Variants in CIROZ observed in about 807,000 individuals in gnomAD.
The protein encoded by CIROZ is ciliated left-right organizer ZP-N domains-containing protein.
chr1:10,970,569 C>T, the CIROZ span, among the ~76,000 whole-genome samples: 1 of 151,604 alleles, frequency 6.6e-6, no homozygotes, highest in Non-Finnish European at 1.5e-5. Flanking sequence ...ACAGAGGTTG[C>T]AGTGAGCCGA....
At chr1:10,957,926 G>A in the CIROZ span, among the ~76,000 whole-genome samples, 4 of 152,208 alleles carry the variant, frequency 2.6e-5, no homozygotes, top group Non-Finnish European at 4.4e-5. Flanking sequence ...TCAACCAGAC[G>A]CTAGCACGCT....
At chr1:10,970,505 T>C in the CIROZ span, among the ~76,000 whole-genome samples, 1 of 152,082 alleles carries the variant, frequency 6.6e-6, no homozygotes, top group African/African-American at 2.4e-5. Flanking sequence ...GGCGCATGCC[T>C]GTAATCGCAG....
At chr1:10,962,306 G>T in the CIROZ span, among the ~76,000 whole-genome samples, 1 of 152,040 alleles carries the variant, frequency 6.6e-6, no homozygotes, top group Non-Finnish European at 1.5e-5. Context: ...AATTAGCCGA[G>T]TATGGTAATG....
chr1:10,952,681 T>C, the CIROZ span, among the ~76,000 whole-genome samples: 1 of 152,186 alleles, frequency 6.6e-6, no homozygotes, highest in East Asian at 1.9e-4. Flanking sequence ...AGATTAGAGA[T>C]GTCTTCTTTT....
the CIROZ span, among the ~76,000 whole-genome samples, chr1:10,953,366 T>C: frequency 6.6e-6 from 1 of 152,264 alleles, no homozygotes; most frequent in Non-Finnish European, 1.5e-5. Flanking sequence ...ATTTTGCTCC[T>C]GGTGGTTTTG....
At chr1:10,950,132 CA>C in the CIROZ span, among the ~76,000 whole-genome samples, 11,445 of 145,432 alleles carry the variant, frequency 0.079, 756 homozygotes, top group African/African-American at 0.19. Context: ...CTCCTGGGTT[CA>C]AGTGATCTTC....
chr1:10,967,155 GAAAAA>G, the CIROZ span, among the ~76,000 whole-genome samples: 1 of 116,308 alleles, frequency 8.6e-6, no homozygotes, highest in African/African-American at 2.9e-5. Context: ...TCCAAAAAAA[GAAAAA>G]AAAAAAAAAA....
the CIROZ span, chr1:10,949,913 G>A: frequency 8.7e-7 from 1 of 1,151,478 alleles, no homozygotes; most frequent in African/African-American, 1.6e-5. Context: ...TTCCACAGGT[G>A]GGGAACGGAA....
chr1:10,957,788 C>T, the CIROZ span: 2 of 1,596,728 alleles, frequency 1.3e-6, no homozygotes, highest in Non-Finnish European at 8.5e-7. Flanking sequence ...AACCATGTGG[C>T]CAGGGAGGCA....
the CIROZ span, among the ~76,000 whole-genome samples, chr1:10,960,865 C>G: frequency 6.6e-6 from 1 of 152,102 alleles, no homozygotes; most frequent in Non-Finnish European, 1.5e-5. The surrounding 1 kb of genome is among the most constrained non-coding windows in gnomAD (Gnocchi z 4.6). Context: ...GCAGAAGTCA[C>G]CAGGAATGAA....
chr1:10,961,783 A>C, the CIROZ span, among the ~76,000 whole-genome samples: 2 of 151,854 alleles, frequency 1.3e-5, no homozygotes, highest in Non-Finnish European at 2.9e-5. Flanking sequence ...ATCTCTACTA[A>C]AAACGCAAAA....
chr1:10,955,650 C>T, the CIROZ span, among the ~76,000 whole-genome samples: 1 of 152,028 alleles, frequency 6.6e-6, no homozygotes, highest in African/African-American at 2.4e-5. Flanking sequence ...CAAGACCAGC[C>T]TGGCCTACAT....
chr1:10,952,860 G>A, the CIROZ span, among the ~76,000 whole-genome samples: 1 of 152,174 alleles, frequency 6.6e-6, no homozygotes, highest in Non-Finnish European at 1.5e-5. Flanking sequence ...CGCTGCTTGA[G>A]AGCAAGAACC....
chr1:10,948,646 G>A, the CIROZ span: 1 of 1,613,528 alleles, frequency 6.2e-7, no homozygotes, highest in Non-Finnish European at 8.5e-7. Flanking sequence ...ACTGGACGTG[G>A]CCGCCAGGGA....
chr1:10,969,839 G>T, the CIROZ span: 2 of 1,335,552 alleles, frequency 1.5e-6, no homozygotes, highest in Non-Finnish European at 2.0e-6. Flanking sequence ...GTGGGGGGAG[G>T]TGGCCTTTGA....
the CIROZ span, among the ~76,000 whole-genome samples, chr1:10,981,611 C>A: frequency 6.6e-6 from 1 of 152,126 alleles, no homozygotes; most frequent in Admixed American, 6.6e-5. Context: ...GAATAGCTAG[C>A]GACCACAACT....
At chr1:10,956,628 A>G in the CIROZ span, among the ~76,000 whole-genome samples, 1 of 151,944 alleles carries the variant, frequency 6.6e-6, no homozygotes, top group African/African-American at 2.4e-5. Context: ...GGCCCCCGCC[A>G]CCACGCCCGG....
chr1:10,949,418 CAGGTGGGA>C, the CIROZ span: 2 of 637,936 alleles, frequency 3.1e-6, no homozygotes, highest in Non-Finnish European at 5.3e-6. Context: ...GGGCTGCCCT[CAGGTGGGA>C]GCTCTTGGGG....
At chr1:10,959,678 C>T in the CIROZ span, among the ~76,000 whole-genome samples, 2 of 152,170 alleles carry the variant, frequency 1.3e-5, no homozygotes, top group Non-Finnish European at 2.9e-5. This position sits in a 1 kb window ranked among gnomAD's most constrained non-coding sequence, Gnocchi z 4.3. Flanking sequence ...CTCAAGGCTA[C>T]CCACCTCTTC....
Sources: allele counts gnomAD v4.1 joint callset (sites outside exome capture counted in the v4.1 genomes callset), GRCh38; gene constraint gnomAD v4.1.1; non-coding constraint Gnocchi (gnomAD v3.1); transcripts MANE v1.5; gene names NCBI Gene and HGNC (gene_info 2026-07-23, HGNC 2026-07-21).